Variants in TTN observed in about 807,000 individuals in gnomAD.
The protein encoded by TTN is titin, also known as connectin.
A neutral mutation model predicts 3,223.0 loss-of-function variants in TTN; 1,525 were observed. The observed-to-expected ratio is 0.47, with a 90% CI of 0.45 to 0.49. TTN has a LOEUF of 0.49. TTN is among the 20% of genes least tolerant of loss of function. TTN has a pLI of 0.00. For missense variants in TTN, 40,786 were observed against 43,424.0 expected (o/e 0.94, Z 5.40); for synonymous variants, 14,094 against 15,161.0 (o/e 0.93, Z 5.17).
At position 178,735,928 on chromosome 2, in the gene TTN, T is replaced by G. The variant is rs199997460; in HGVS notation, c.14518A>C (p.Asn4840His). The change falls in exon 50 of 363, where the codon AAC becomes CAC. Residue 4840 changes from asparagine to histidine, a missense_variant. Transcript: ENST00000589042. The part of the protein sequence containing the change: ...KDGAALSPSP[N>H]WRISDAENKH... ...TTTTCTGCGTCGGAAATCCTCCAGT[T>G]AGGTGAAGGTGAGAGTGCAGCACCA... The G allele has an allele frequency of 1.3e-4, 202 of 1,613,742 alleles. No homozygotes were observed. The highest frequency in any genetic ancestry group is 1.6e-4 in the Non-Finnish European group (188 of 1,179,818).
In TTN at chr2:178,561,602, A is replaced by T. The variant is rs532274400; in HGVS notation, c.84530T>A (p.Val28177Glu). The T allele has an allele frequency of 6.2e-7, 1 of 1,613,132 alleles. No homozygotes were observed. Among genetic ancestry groups the T allele is most frequent in the East Asian group, 2.2e-5 (1 of 44,748 alleles). Residue 28177 changes from valine to glutamate, a missense_variant, in exon 326 of 363, where the codon GTG becomes GAG. Val to Glu is a moderately radical substitution (Grantham distance 121). Transcript: ENST00000589042. ...TKSTMLVTWQ[V>E]PVNDGGSRVI... is the part of the protein sequence containing the mutation. Reference sequence around the variant, plus strand: ...TCGACTTCCTCCATCATTAACTGGCACTTGCCAGGTTACAAGCATGGTAGA... The same window carrying T: ...TCGACTTCCTCCATCATTAACTGGCTCTTGCCAGGTTACAAGCATGGTAGA...
Position 178,526,705 on chromosome 2 carries a change from G to C in TTN, c.*307C>G. 1 of 223,082 alleles carries C rather than the reference G, an allele frequency of 4.5e-6. No individual in the cohort carries two copies. Among genetic ancestry groups the C allele is most frequent in the South Asian group, 1.3e-4 (1 of 7,748 alleles). The allele number at this position is 223,082 out of a possible 1,614,324, so 13.8% of individuals were successfully genotyped here. On this transcript the variant is annotated 3_prime_UTR_variant, in exon 363 of 363. Transcript: ENST00000589042. ...GTTGAGCAGGGTATTCGTTCCATAA[G>C]AAACTTTCTCCTACCAACAGTTAGT...
chr2:178,569,448 T>C lies in TTN; in HGVS notation c.76684A>G (p.Ser25562Gly), dbSNP rs1400963847. 1 of 1,613,058 alleles carries C rather than the reference T, an allele frequency of 6.2e-7. No individual in the cohort carries two copies. The highest frequency in any genetic ancestry group is 1.3e-5 in the African/African-American group (1 of 74,900). ...RDAAIIDVTS[S>G]FTSLVLDNVN... ...TTGTCAAGAACAAGAGAGGTGAAAC[T>C]GCTAGTGACATCAATTATAGCTGCA... The change falls in exon 326 of 363, where the codon AGT becomes GGT. Residue 25562 changes from serine to glycine, a missense_variant. Ser to Gly is a moderately conservative substitution (Grantham distance 56). Transcript: ENST00000589042.
chr2:178,716,429 A>G (rs2077490616), intron 88 of TTN, among the ~76,000 whole-genome samples: 1 of 152,142 alleles, frequency 6.6e-6, no homozygotes. Context: ...ATTATATTTT[A>G]ATTTCAAGAT....
intron 80 of TTN, 55 bp from the exon 81 acceptor site, chr2:178,720,319 A>G: frequency 1.9e-6 from 3 of 1,592,454 alleles, no homozygotes; most frequent in Non-Finnish European, 2.6e-6. Context: ...TGGCCACACA[A>G]GTTATTAGTT....
chr2:178,730,021 T>A, intron 62 of TTN, 72 bp downstream of exon 62: 1 of 1,558,148 alleles, frequency 6.4e-7, no homozygotes, highest in Non-Finnish European at 8.8e-7. Context: ...GTCTTAAGCG[T>A]CCCCCGCCCC....
chr2:178,756,411 TGAAA>T lies in TTN; in HGVS notation c.11061_11064del (p.Phe3688LeufsTer3), dbSNP rs1442240424. 2.5e-6 allele frequency: 4 copies of T among 1,613,854 alleles called. No homozygotes were observed. The South Asian group carries it at 4.4e-5, about 18-fold the overall frequency. The stretch of plus-strand genomic sequence containing the variant: ...CCTTCGTGAGTCCAGGTTACATCAA[TGAAA>T]GAATCATCTTTTAAAACACAGAGGA... On this transcript the variant is annotated frameshift_variant, in exon 46 of 363. Coordinates refer to ENST00000589042, the MANE Select transcript of TTN (RefSeq NM_001267550.2). LOFTEE classifies it high-confidence loss of function.
At position 178,715,608 on chromosome 2, in the gene TTN, G is replaced by C; in HGVS notation, c.25806C>G (p.Asp8602Glu). ...ESSKFRMSFV[D>E]SVAVLEMHNL... ...TGTGCATTTCCAGCACAGCCACCGA[G>C]TCAACGAATGACATTCTGAATTTAC... Residue 8602 changes from aspartate to glutamate, a missense_variant, in exon 89 of 363, where the codon GAC becomes GAG. By Grantham distance (45) the Asp-to-Glu change is conservative. Transcript: ENST00000589042. 6.2e-7 allele frequency: 1 copy of C among 1,613,588 alleles called. No individual in the cohort carries two copies.
chr2:178,546,609 C>T lies in TTN; in HGVS notation c.94819G>A (p.Asp31607Asn). 2 of 1,608,496 alleles carry T rather than the reference C, an allele frequency of 1.2e-6. No individual in the cohort carries two copies. Among genetic ancestry groups the T allele is most frequent in the Admixed American group, 1.7e-5 (1 of 59,886 alleles). The change falls in exon 341 of 363, where the codon GAT becomes AAT. Residue 31607 changes from aspartate to asparagine, a missense_variant. Physicochemically the swap from Asp to Asn is conservative, Grantham distance 23. Transcript: ENST00000589042. ...GTTGACTATTTCCTACCGTATTCAT[C>T]TCGGCAAGTGACAGGGCCTGTAGAT... ...SESTGPVTCR[D>N]EYAPPKAELD...
intron 47 of TTN, chr2:178,751,259 T>C (rs1574288974): frequency 1.2e-6 from 2 of 1,608,218 alleles, no homozygotes; most frequent in Non-Finnish European, 1.7e-6. Flanking sequence ...TTTCTTTTTC[T>C]CCATTAATGT....
intron 131 of TTN, 55 bp downstream of exon 131, chr2:178,684,611 A>C: frequency 6.5e-7 from 1 of 1,548,010 alleles, no homozygotes. Context: ...AGCAGCAGAG[A>C]GAAAGAAAGA....
At position 178,731,688 on chromosome 2, in the gene TTN, C is replaced by A. The variant is rs2080545375; in HGVS notation, c.17182+5G>T. On this transcript the variant is annotated splice_donor_5th_base_variant and intron_variant, in intron 58 of 362. Transcript: ENST00000589042. ...AGCCAGTCCCTCACTGGAACCAACA[C>A]TAACCTCTTAAAGTCACCCTGGCAC... is the stretch of plus-strand genomic sequence containing the variant. 4 of 1,605,574 alleles carry A rather than the reference C, an allele frequency of 2.5e-6. No homozygotes were observed. The highest frequency in any genetic ancestry group is 3.4e-6 in the Non-Finnish European group (4 of 1,174,476).
At chr2:178,750,575 C>T in intron 47 of TTN, 1 of 1,612,386 alleles carries the variant, frequency 6.2e-7, no homozygotes, top group Non-Finnish European at 8.5e-7. Context: ...TGAAGGTGGG[C>T]AACGTTGTGG....
chr2:178,755,419 G>C (rs370913413), intron 46 of TTN, among the ~76,000 whole-genome samples: 26 of 152,120 alleles, frequency 1.7e-4, no homozygotes, highest in African/African-American at 5.5e-4. Context: ...GTTATTTTCA[G>C]TGCCCAATTT....
Position 178,710,680 on chromosome 2 carries a change from T to G in TTN, c.28417A>C (p.Asn9473His). The change falls in exon 98 of 363, where the codon AAT becomes CAT. Residue 9473 changes from asparagine to histidine, a missense_variant. Asn to His is a moderately conservative substitution (Grantham distance 68). Coordinates refer to ENST00000589042, the MANE Select transcript of TTN (RefSeq NM_001267550.2). ...GTGCAAGAGTCTTTTCCCACTTCAT[T>G]CACAGCATAGCAGGTATATTGTCCA... ...DSGQYTCYAV[N>H]EVGKDSCTAQ... 1.2e-6 allele frequency: 2 copies of G among 1,613,204 alleles called. No homozygotes were observed. The highest frequency in any genetic ancestry group is 1.7e-6 in the Non-Finnish European group (2 of 1,179,758).
rs1334983406 is a variant in TTN at position 178,773,705 on chromosome 2, G to C, written c.7351C>G (p.Leu2451Val). ...CCTTCAATCACATTAACATCTTTTAGAGGTGTTATCACGTCCACACCTGCA... is the reference window on the plus strand; with the variant it reads ...CCTTCAATCACATTAACATCTTTTACAGGTGTTATCACGTCCACACCTGCA... ...SVYSVDVITPLKDVNVIEGTK... is the reference protein window; with the variant it reads ...SVYSVDVITPVKDVNVIEGTK... Residue 2451 changes from leucine to valine, a missense_variant, in exon 32 of 363, where the codon CTA (leucine) becomes GTA (valine). Transcript: ENST00000589042. 3 of 1,614,016 alleles carry C rather than the reference G, an allele frequency of 1.9e-6. No individual in the cohort carries two copies. In the East Asian group the frequency reaches 6.7e-5, roughly 36 times the overall value.
chr2:178,704,709 A>T lies in TTN; in HGVS notation c.29763T>A (p.Ile9921=), dbSNP rs2742343. Residue 9921 remains isoleucine, a synonymous_variant, in exon 105 of 363, where the codon ATT becomes ATA. Transcript: ENST00000589042. ...TTTCTGGATAATTAATTTTAATGTC[A>T]ATTTCAAAGACAGCATCATTATCTT... ...VLKDNDAVFE[I]DIKINYPEIK... 6.2e-7 allele frequency: 1 copy of T among 1,611,262 alleles called. No homozygotes were observed. Among genetic ancestry groups the T allele is most frequent in the Non-Finnish European group, 8.5e-7 (1 of 1,179,246 alleles).
intron 1 of TTN, among the ~76,000 whole-genome samples, chr2:178,806,677 G>A (rs576933498): frequency 2.0e-5 from 3 of 152,300 alleles, no homozygotes; most frequent in East Asian, 1.9e-4. Flanking sequence ...GAAGGTATGC[G>A]TCTAAAATGT....
chr2:178,573,846 C>T lies in TTN; in HGVS notation c.72286G>A (p.Asp24096Asn). ...NLVNKDSTRRDSGAYTLTATN... is the reference protein window; with the variant it reads ...NLVNKDSTRRNSGAYTLTATN... ...GCTGTAAGGGTATAGGCACCACTAT[C>T]CCTTCTTGTTGAATCTTTGTTTACC... Residue 24096 changes from aspartate (D) to asparagine (N), a missense_variant, in exon 326 of 363, where the codon GAT becomes AAT. Asp to Asn is a conservative substitution (Grantham distance 23). Transcript: ENST00000589042. The T allele has an allele frequency of 6.2e-7, 1 of 1,611,640 alleles. No homozygotes were observed. Among genetic ancestry groups the T allele is most frequent in the East Asian group, 2.2e-5 (1 of 44,714 alleles).
Sources: gnomAD v4.1 joint callset for allele counts (sites outside exome capture counted in the v4.1 genomes callset) on GRCh38, gnomAD v4.1.1 for gene constraint, MANE v1.5 for transcripts, NCBI Gene and HGNC (gene_info 2026-07-23, HGNC 2026-07-21) for gene names.